The following CHSY3 variants were observed in gnomAD, a reference collection of about 807,000 sequenced individuals.
CHSY3 encodes chondroitin sulfate synthase 3.
CHSY3 carries 35 observed loss-of-function variants against 67.2 expected under a neutral mutation model. The observed-to-expected ratio is 0.52, with a 90% CI of 0.40 to 0.69. The LOEUF (loss-of-function observed/expected upper bound fraction) is 0.69, where lower values mean the gene tolerates loss of function less well. Ranked by LOEUF, CHSY3 falls within the 30% of genes least tolerant of loss-of-function variation. The pLI, the probability that CHSY3 is intolerant of heterozygous loss-of-function variation, is 0.00. For missense variants in CHSY3, 1,069 were observed against 1,138.5 expected (o/e 0.94, Z 0.88); for synonymous variants, 474 against 434.7 (o/e 1.09, Z -1.12).
At chr5:129,989,789 T>C (rs572597999) in intron 2 of CHSY3, among the ~76,000 whole-genome samples, 46 of 152,228 alleles carry the variant, frequency 3.0e-4, no homozygotes, top group Non-Finnish European at 5.1e-4. Context: ...CTTCATAGTA[T>C]TAATATTACT....
At chr5:129,939,535 A>T (rs894849309) in intron 2 of CHSY3, among the ~76,000 whole-genome samples, 1 of 152,156 alleles carries the variant, frequency 6.6e-6, no homozygotes, top group Non-Finnish European at 1.5e-5. Context: ...TGTTTTATGT[A>T]TAATTTGAAA....
intron 2 of CHSY3, among the ~76,000 whole-genome samples, chr5:130,016,264 G>T (rs1376002164): frequency 6.6e-6 from 1 of 152,194 alleles, no homozygotes; most frequent in Admixed American, 6.5e-5. Flanking sequence ...CTTAAAAGGG[G>T]AGAGAAGACA....
At chr5:130,032,850 A>T (rs1260139639) in intron 2 of CHSY3, among the ~76,000 whole-genome samples, 2 of 152,182 alleles carry the variant, frequency 1.3e-5, no homozygotes, top group Non-Finnish European at 2.9e-5. Context: ...AGGGTGAGGA[A>T]GCCCAATTAG....
chr5:130,058,739 G>A (rs1312362715), intron 2 of CHSY3, among the ~76,000 whole-genome samples: 1 of 152,216 alleles, frequency 6.6e-6, no homozygotes, highest in Non-Finnish European at 1.5e-5. Context: ...CACAAACTGG[G>A]TGCCTTAAAA....
intron 2 of CHSY3, among the ~76,000 whole-genome samples, chr5:130,156,650 G>A (rs906445585): frequency 6.6e-6 from 1 of 152,172 alleles, no homozygotes; most frequent in African/African-American, 2.4e-5. Flanking sequence ...CTCAAAGAGG[G>A]CTTAATATTA....
chr5:130,158,884 C>T (rs918442655), intron 2 of CHSY3, among the ~76,000 whole-genome samples: 2 of 152,112 alleles, frequency 1.3e-5, no homozygotes, highest in Non-Finnish European at 2.9e-5. Flanking sequence ...ACTGCAGCCT[C>T]GACCTCCTAG....
intron 2 of CHSY3, among the ~76,000 whole-genome samples, chr5:129,909,764 T>G (rs975042190): frequency 6.6e-6 from 1 of 152,034 alleles, no homozygotes; most frequent in Non-Finnish European, 1.5e-5. Context: ...AGAGAACATA[T>G]TCAGTTGATT....
At chr5:130,033,983 C>A (rs1228112722) in intron 2 of CHSY3, among the ~76,000 whole-genome samples, 1 of 151,988 alleles carries the variant, frequency 6.6e-6, no homozygotes, top group Non-Finnish European at 1.5e-5. Flanking sequence ...TTTTAAAATG[C>A]AAGTTGCAAA....
At position 130,140,963 on chromosome 5, in the gene CHSY3, CTA is replaced by C. The variant is rs993157767; in HGVS notation, c.1087-43265_1087-43264del. ...GAATGCTTACCTGTTCCATGGCACT[CTA>C]GACTCCGTAGAGAAGGCCCTTGGAA... On this transcript the variant is annotated intron_variant, in intron 2 of 2. Coordinates refer to ENST00000305031, the MANE Select transcript of CHSY3 (RefSeq NM_175856.5). 7.9e-5 allele frequency: 63 copies of C among 793,926 alleles called. No homozygotes were observed. The African/African-American group carries it at 1.1e-3, about 14-fold the overall frequency. The allele number at this position is 793,926 out of a possible 1,614,324, so 49.2% of individuals were successfully genotyped here.
chr5:130,140,954 C>A, intron 2 of CHSY3: 1 of 843,770 alleles, frequency 1.2e-6, no homozygotes, highest in South Asian at 4.6e-5. Context: ...TTACCTGTTC[C>A]ATGGCACTCT....
In CHSY3 at chr5:129,973,127, T is replaced by C. The variant is rs373490801; in HGVS notation, c.1086+64767T>C. ...TGTGAGTTATCTTTTAGCTATGGTG[T>C]TTATGAAACCTTTGTGTCATAGATT... is the stretch of plus-strand genomic sequence containing the variant. On this transcript the variant is annotated intron_variant, in intron 2 of 2. Transcript: ENST00000305031. Among the ~76,000 whole-genome samples, 36 of 152,222 alleles carry C rather than the reference T, an allele frequency of 2.4e-4. No individual in the cohort carries two copies. The South Asian group carries it at 7.5e-3, about 32-fold the overall frequency.
intron 2 of CHSY3, among the ~76,000 whole-genome samples, chr5:129,954,230 A>G (rs1012158808): frequency 1.3e-5 from 2 of 152,192 alleles, no homozygotes; most frequent in Admixed American, 6.5e-5. Flanking sequence ...CAGTGATTAA[A>G]TTGGGAATCC....
chr5:130,172,193 T>G (rs1425868835), intron 2 of CHSY3, among the ~76,000 whole-genome samples: 1 of 152,198 alleles, frequency 6.6e-6, no homozygotes, highest in Non-Finnish European at 1.5e-5. Flanking sequence ...GAAACATTTA[T>G]AACGAAGTAT....
At chr5:130,058,902 C>A (rs377610832) in intron 2 of CHSY3, among the ~76,000 whole-genome samples, 2 of 152,272 alleles carry the variant, frequency 1.3e-5, no homozygotes, top group African/African-American at 4.8e-5. Context: ...TTGTGTCCAC[C>A]TCCCTTTGCT....
intron 2 of CHSY3, chr5:130,140,797 A>G (rs1234210240): frequency 3.1e-5 from 7 of 228,644 alleles, no homozygotes; most frequent in Non-Finnish European, 8.2e-6. Context: ...AGAACAATAG[A>G]GCTGTCTGAT....
intron 2 of CHSY3, among the ~76,000 whole-genome samples, chr5:130,002,779 A>G (rs893596614): frequency 6.6e-6 from 1 of 152,130 alleles, no homozygotes; most frequent in Admixed American, 6.5e-5. Context: ...TACACAATAA[A>G]TATTATTTTA....
intron 2 of CHSY3, among the ~76,000 whole-genome samples, chr5:130,139,252 C>T (rs1482328654): frequency 6.6e-6 from 1 of 152,088 alleles, no homozygotes. Context: ...ATCAATTCAG[C>T]CAAGGGTAGA....
At chr5:130,015,150 A>C (rs1308652369) in intron 2 of CHSY3, among the ~76,000 whole-genome samples, 1 of 152,018 alleles carries the variant, frequency 6.6e-6, no homozygotes, top group Non-Finnish European at 1.5e-5. Flanking sequence ...TGATGGTTTA[A>C]AAGTGTGTGG....
At chr5:130,033,135 C>T (rs1402807568) in intron 2 of CHSY3, among the ~76,000 whole-genome samples, 2 of 152,192 alleles carry the variant, frequency 1.3e-5, no homozygotes, top group East Asian at 3.9e-4. Flanking sequence ...AGAATCTGGT[C>T]AGGATATCTC....
Sources: gnomAD v4.1 joint callset for allele counts (sites outside exome capture counted in the v4.1 genomes callset) on GRCh38, gnomAD v4.1.1 for gene constraint, MANE v1.5 for transcripts, NCBI Gene and HGNC (gene_info 2026-07-23, HGNC 2026-07-21) for gene names.